Variants in OCRL observed in about 807,000 individuals in gnomAD.
OCRL encodes inositol polyphosphate 5-phosphatase OCRL.
Under a neutral mutation model 78.9 loss-of-function variants are expected in OCRL, and 8 were observed. The ratio of observed to expected loss-of-function variants is 0.10; its 90% CI spans 0.06 to 0.18. The LOEUF (loss-of-function observed/expected upper bound fraction) is 0.18, where lower values mean the gene tolerates loss of function less well. Among genes scored for constraint, OCRL ranks in the 10% least tolerant of loss-of-function variants. The pLI, the probability that OCRL is intolerant of heterozygous loss-of-function variation, is 1.00. For synonymous variants in OCRL, 240 were observed against 235.4 expected (o/e 1.02, Z -0.18); for missense variants, 454 against 696.7 (o/e 0.65, Z 3.92).
chrX:129,540,386 T>C lies in OCRL; in HGVS notation c.-54T>C. 2.7e-6 allele frequency: 3 copies of C among 1,126,215 alleles called. No homozygotes were observed. In the South Asian group the frequency reaches 5.8e-5, roughly 22 times the overall value. 92.8% of individuals were successfully genotyped at this position (1,126,215 alleles called of 1,213,427 possible). On this transcript the variant is annotated 5_prime_UTR_variant, in exon 1 of 24. Transcript: ENST00000371113. Reference sequence around the variant, plus strand: ...GTGGGTGTGGGGACGCGGGAGCCAGTGTCGTCGGATCGGCCCGCAGTCCGC... The same window carrying C: ...GTGGGTGTGGGGACGCGGGAGCCAGCGTCGTCGGATCGGCCCGCAGTCCGC...
Position 129,540,341 on chromosome X carries a change from A to T in OCRL, c.-99A>T. On this transcript the variant is annotated 5_prime_UTR_variant, in exon 1 of 24. Transcript: ENST00000371113. ...CGCCCGGCGCGGAGCTGTTCCTCAA[A>T]CGACACGCAGCCGAGGTGGGTGGGT... The T allele has an allele frequency of 1.1e-6, 1 of 948,522 alleles. No individual in the cohort carries two copies. Among genetic ancestry groups the T allele is most frequent in the Non-Finnish European group, 1.5e-6 (1 of 687,970 alleles). 78.2% of individuals were successfully genotyped at this position (948,522 alleles called of 1,213,427 possible).
intron 3 of OCRL, among the ~76,000 whole-genome samples, chrX:129,547,105 T>C (rs1437396153): frequency 9.0e-6 from 1 of 111,070 alleles, no homozygotes; most frequent in Non-Finnish European, 1.9e-5. Context: ...GGCAGATACA[T>C]GTAGTCCCAG....
At chrX:129,581,531 G>C (rs889194299) in intron 18 of OCRL, among the ~76,000 whole-genome samples, 5 of 110,334 alleles carry the variant, frequency 4.5e-5, no homozygotes, top group African/African-American at 1.6e-4. Flanking sequence ...TTTCTATGTT[G>C]TTTCTTTGTG....
chrX:129,585,769 G>A (rs2239482), intron 19 of OCRL, among the ~76,000 whole-genome samples: 25,218 of 111,261 alleles, frequency 0.23, 5,229 homozygotes, highest in East Asian at 0.73. Flanking sequence ...TTATTCCCTT[G>A]GAAAGGCACA....
intron 13 of OCRL, 109 bp downstream of exon 13, chrX:129,565,992 T>C (rs1936211871): frequency 3.7e-6 from 2 of 546,359 alleles, no homozygotes; most frequent in Non-Finnish European, 6.3e-6. Context: ...CTTACTGTCT[T>C]GTGAAAACAG....
intron 18 of OCRL, among the ~76,000 whole-genome samples, chrX:129,576,930 G>A (rs1936377125): frequency 8.9e-6 from 1 of 111,989 alleles, no homozygotes; most frequent in African/African-American, 3.2e-5. Context: ...GAGCATATGA[G>A]AAAACTGAGG....
intron 15 of OCRL, among the ~76,000 whole-genome samples, chrX:129,572,553 A>G (rs1936315987): frequency 8.9e-6 from 1 of 112,475 alleles, no homozygotes; most frequent in Non-Finnish European, 1.9e-5. Flanking sequence ...ACCACACTAT[A>G]TTTTCACCAC....
chrX:129,541,829 C>T (rs1935807354), intron 2 of OCRL, among the ~76,000 whole-genome samples: 1 of 112,139 alleles, frequency 8.9e-6, no homozygotes, highest in Non-Finnish European at 1.9e-5. Context: ...CCCACTGGCC[C>T]AACCTGCTCT....
intron 4 of OCRL, among the ~76,000 whole-genome samples, chrX:129,554,964 TAAATA>T (rs1209825164): frequency 1.2e-4 from 12 of 98,278 alleles, no homozygotes; most frequent in Non-Finnish European, 2.3e-4. Flanking sequence ...AATAAATAAA[TAAATA>T]AATAAATAAA....
At chrX:129,555,237 G>C (rs1300075272) in intron 4 of OCRL, among the ~76,000 whole-genome samples, 1 of 110,011 alleles carries the variant, frequency 9.1e-6, no homozygotes, top group African/African-American at 3.3e-5. Context: ...AGCACTTTGG[G>C]AGGCCAAGGT....
At chrX:129,544,194 C>G (rs999026880) in intron 2 of OCRL, among the ~76,000 whole-genome samples, 1 of 111,569 alleles carries the variant, frequency 9.0e-6, no homozygotes, top group African/African-American at 3.3e-5. Flanking sequence ...TAGGTCGTAC[C>G]TTGATTCTGG....
chrX:129,542,958 C>G (rs963481730), intron 2 of OCRL, among the ~76,000 whole-genome samples: 3 of 111,628 alleles, frequency 2.7e-5, no homozygotes, highest in African/African-American at 6.5e-5. Context: ...AATTAAAAAT[C>G]AGGGTTTTTT....
chrX:129,554,516 G>T (rs1050541905), intron 4 of OCRL: 1 of 111,885 alleles, frequency 8.9e-6, no homozygotes, highest in Non-Finnish European at 1.9e-5. Flanking sequence ...GGGAGGAAAC[G>T]GTAGATCCCA....
intron 15 of OCRL, 134 bp from the exon 16 acceptor site, chrX:129,575,006 G>A: frequency 2.0e-6 from 1 of 507,194 alleles, no homozygotes. Flanking sequence ...TATAGAGAGT[G>A]TTTGAGGATG....
chrX:129,587,579 G>A (rs1295701053), intron 20 of OCRL, among the ~76,000 whole-genome samples: 1 of 111,233 alleles, frequency 9.0e-6, no homozygotes, highest in Non-Finnish European at 1.9e-5. Context: ...TATTTCTTGG[G>A]ACTAAATTGA....
chrX:129,589,588 A>G (rs1936560967), intron 22 of OCRL: 5 of 398,896 alleles, frequency 1.3e-5, no homozygotes, highest in Non-Finnish European at 2.2e-5. Context: ...ATTGTGAGGC[A>G]GGGTGTGCGT....
intron 18 of OCRL, among the ~76,000 whole-genome samples, chrX:129,579,601 A>T (rs1936416053): frequency 8.9e-6 from 1 of 112,197 alleles, no homozygotes; most frequent in South Asian, 3.7e-4. Context: ...TTTTCATAAT[A>T]GTGACTTTGC....
intron 10 of OCRL, among the ~76,000 whole-genome samples, chrX:129,561,923 T>C (rs1188397629): frequency 8.9e-6 from 1 of 111,931 alleles, no homozygotes; most frequent in African/African-American, 3.2e-5. Context: ...CTCATATAGG[T>C]CCCTGACTAA....
rs138438660 is a variant in OCRL at position 129,587,332 on chromosome X, G to T, written c.2256+214G>T. Among the ~76,000 whole-genome samples the T allele has an allele frequency of 9.7e-3, 1,080 of 111,406 alleles. 3 individuals carry two copies. Among genetic ancestry groups the T allele is most frequent in the Non-Finnish European group, 0.014 (766 of 53,107 alleles). On this transcript the variant is annotated intron_variant, in intron 20 of 23. Coordinates refer to ENST00000371113, the MANE Select transcript of OCRL (RefSeq NM_000276.4). ...GTTATTTACTAAGACAAAGGCCTAAGTGTAGTTGTGGCAGAGCCAGGACCA... is the reference window on the plus strand; with the variant it reads ...GTTATTTACTAAGACAAAGGCCTAATTGTAGTTGTGGCAGAGCCAGGACCA...
Sources: allele counts gnomAD v4.1 joint callset (sites outside exome capture counted in the v4.1 genomes callset), GRCh38; gene constraint gnomAD v4.1.1; transcripts MANE v1.5; gene names NCBI Gene and HGNC (gene_info 2026-07-23, HGNC 2026-07-21).